The following DLG2 variants were observed in gnomAD, a reference collection of about 807,000 sequenced individuals.
The protein encoded by DLG2 is disks large homolog 2.
A neutral mutation model predicts 132.5 loss-of-function variants in DLG2; 45 were observed. The observed-to-expected ratio is 0.34, with a 90% CI of 0.27 to 0.44. DLG2 has a LOEUF of 0.44. Ranked by LOEUF, DLG2 falls within the 20% of genes least tolerant of loss-of-function variation. DLG2 has a pLI of 1.00. For missense variants in DLG2, 1,045 were observed against 1,196.9 expected, an observed-to-expected ratio of 0.87 and a Z score of 1.87; for synonymous variants, 424 against 419.6, an observed-to-expected ratio of 1.01 and a Z score of -0.13.
intron 3 of DLG2, among the ~76,000 whole-genome samples, chr11:85,520,540 C>CACACACACAT (rs2074223424): frequency 1.3e-5 from 2 of 151,002 alleles, no homozygotes; most frequent in Admixed American, 1.3e-4. Flanking sequence ...CACACACACA[C>CACACACACAT]AAAGAATAAC....
rs76472724 is a variant in DLG2 at position 83,821,867 on chromosome 11, C to T, written c.1722+11747G>A. 2.6e-4 allele frequency among the ~76,000 whole-genome samples: 39 copies of T among 152,230 alleles called. No individual in the cohort carries two copies. The East Asian group carries it at 7.3e-3, about 29-fold the overall frequency. ...TTCCATCAACATATAAACACTGTTACAAAAAACAAACTCTACCCTCAAGTT... is the reference window on the plus strand; with the variant it reads ...TTCCATCAACATATAAACACTGTTATAAAAAACAAACTCTACCCTCAAGTT... On this transcript the variant is annotated intron_variant, in intron 17 of 27. Transcript: ENST00000376104.
At chr11:84,988,329 G>A (rs752629170) in intron 6 of DLG2, among the ~76,000 whole-genome samples, 7 of 152,170 alleles carry the variant, frequency 4.6e-5, no homozygotes, top group Non-Finnish European at 8.8e-5. Context: ...ACTAAATGCA[G>A]AACTACCATT....
At chr11:84,196,075 A>C (rs998765812) in intron 8 of DLG2, among the ~76,000 whole-genome samples, 3 of 152,360 alleles carry the variant, frequency 2.0e-5, no homozygotes, top group Non-Finnish European at 4.4e-5. Context: ...ATCAGGGAAA[A>C]GTTATAGAAG....
intron 7 of DLG2, among the ~76,000 whole-genome samples, chr11:84,414,271 T>A (rs747035706): frequency 1.3e-5 from 2 of 152,238 alleles, no homozygotes; most frequent in African/African-American, 4.8e-5. Flanking sequence ...TTTATTATAA[T>A]CATTATTATC....
At chr11:85,279,456 C>T (rs1448436053) in intron 4 of DLG2, among the ~76,000 whole-genome samples, 1 of 152,110 alleles carries the variant, frequency 6.6e-6, no homozygotes, top group African/African-American at 2.4e-5. Flanking sequence ...TTCTATGCCA[C>T]TTGCCAGGCT....
At chr11:84,776,646 T>G (rs1488764035) in intron 6 of DLG2, among the ~76,000 whole-genome samples, 2 of 152,196 alleles carry the variant, frequency 1.3e-5, no homozygotes, top group African/African-American at 4.8e-5. Context: ...GGCATATTAG[T>G]GAAAACGATA....
intron 15 of DLG2, among the ~76,000 whole-genome samples, chr11:83,884,394 G>C (rs575569488): frequency 1.3e-5 from 2 of 152,186 alleles, no homozygotes; most frequent in Non-Finnish European, 2.9e-5. Context: ...CTAGGGGGAG[G>C]GGCGCCCGCC....
At chr11:85,446,202 C>G (rs1481587267) in intron 3 of DLG2, among the ~76,000 whole-genome samples, 1 of 152,182 alleles carries the variant, frequency 6.6e-6, no homozygotes, top group South Asian at 2.1e-4. Flanking sequence ...ATTTAAAGGT[C>G]TTTTAACTTC....
Position 84,216,132 on chromosome 11 carries a change from G to A in DLG2, c.573+35106C>T, listed in dbSNP as rs188292583. On this transcript the variant is annotated intron_variant, in intron 8 of 27. Transcript: ENST00000376104. ...CTGTGTTCCTAATATAAGGCTCTGG[G>A]TCTAAGCTCACTGGTTGAAGTAATT... Among the ~76,000 whole-genome samples the A allele has an allele frequency of 1.6e-4, 24 of 152,190 alleles. 1 individual carries two copies. The highest frequency in any genetic ancestry group is 5.5e-4 in the African/African-American group (23 of 41,538).
chr11:84,903,880 CATT>C (rs1204597052), intron 6 of DLG2, among the ~76,000 whole-genome samples: 1 of 152,022 alleles, frequency 6.6e-6, no homozygotes, highest in African/African-American at 2.4e-5. Context: ...TGATAAAAAT[CATT>C]ATTATTCTTA....
chr11:83,503,449 T>A (rs12789797), intron 21 of DLG2, among the ~76,000 whole-genome samples: 43,092 of 114,850 alleles, frequency 0.38, 8,150 homozygotes, highest in Middle Eastern at 0.47. Context: ...ATATATATAT[T>A]TATACACACA....
intron 3 of DLG2, among the ~76,000 whole-genome samples, chr11:85,356,333 G>A (rs1360146444): frequency 6.6e-6 from 1 of 151,398 alleles, no homozygotes; most frequent in Non-Finnish European, 1.5e-5. Context: ...TTTATAGTCT[G>A]TTTACTTCAA....
chr11:85,368,890 G>A (rs985069326), intron 3 of DLG2, among the ~76,000 whole-genome samples: 1 of 152,184 alleles, frequency 6.6e-6, no homozygotes, highest in African/African-American at 2.4e-5. Context: ...TTTTCTTCCT[G>A]TGTGGAGCCT....
At chr11:84,890,682 C>G (rs1274784556) in intron 6 of DLG2, 1 of 149,536 alleles carries the variant, frequency 6.7e-6, no homozygotes, top group African/African-American at 2.5e-5. Context: ...CAGATCTTGA[C>G]AGATCACCCC....
intron 10 of DLG2, among the ~76,000 whole-genome samples, chr11:84,089,344 C>A (rs1406632574): frequency 6.6e-6 from 1 of 152,152 alleles, no homozygotes; most frequent in Non-Finnish European, 1.5e-5. Flanking sequence ...GCCTTCATCT[C>A]GTGATGATTA....
intron 9 of DLG2, among the ~76,000 whole-genome samples, chr11:84,114,624 C>A (rs529145225): frequency 1.3e-5 from 2 of 152,120 alleles, no homozygotes; most frequent in African/African-American, 2.4e-5. Context: ...TGTTTTTCTG[C>A]GGCTGCACGG....
rs1197891711 is a variant in DLG2, at chr11:84,700,153, TG to T, written c.358-165423del. Reference sequence around the variant, plus strand: ...CCTAACCCAGCAAGAAGAACTTGGGTGAAACCTTACAGTGTTCATTAAAGAC... The same window carrying T: ...CCTAACCCAGCAAGAAGAACTTGGGTAAACCTTACAGTGTTCATTAAAGAC... On this transcript the variant is annotated intron_variant, in intron 6 of 27. Transcript: ENST00000376104. Among the ~76,000 whole-genome samples, 5 of 151,742 alleles carry T rather than the reference TG, an allele frequency of 3.3e-5. No homozygotes were observed. The East Asian group carries it at 9.7e-4, about 30-fold the overall frequency.
chr11:84,126,235 C>T (rs911257132), intron 9 of DLG2, among the ~76,000 whole-genome samples: 2 of 151,894 alleles, frequency 1.3e-5, no homozygotes, highest in Non-Finnish European at 2.9e-5. Context: ...AGTATAGTTA[C>T]CTGGAGGGAT....
At chr11:84,561,198 G>A (rs1420092817) in intron 6 of DLG2, among the ~76,000 whole-genome samples, 1 of 151,934 alleles carries the variant, frequency 6.6e-6, no homozygotes, top group East Asian at 1.9e-4. Context: ...TATTCTTCTG[G>A]TCATTATGCT....
Sources: gnomAD v4.1 joint callset for allele counts (sites outside exome capture counted in the v4.1 genomes callset) on GRCh38, gnomAD v4.1.1 for gene constraint, MANE v1.5 for transcripts, NCBI Gene and HGNC (gene_info 2026-07-23, HGNC 2026-07-21) for gene names.